The following TMEM191C variants were observed in gnomAD, a reference collection of about 807,000 sequenced individuals.
The protein encoded by TMEM191C is KB-1323B2.6.
Under a neutral mutation model 37.1 loss-of-function variants are expected in TMEM191C, and 26 were observed. The ratio of observed to expected loss-of-function variants is 0.70; its 90% CI spans 0.51 to 0.97. TMEM191C has a LOEUF of 0.97. Ranked by LOEUF, TMEM191C falls within the 50% of genes least tolerant of loss-of-function variation. TMEM191C has a pLI of 0.00. For missense variants in TMEM191C, 240 were observed against 294.7 expected (o/e 0.81, Z 1.36); for synonymous variants, 115 against 143.7 (o/e 0.80, Z 1.43).
In TMEM191C at chr22:21,469,659, G is replaced by C; in HGVS notation, c.747G>C (p.Pro249=). ...CGCTGCAGGTGCTGCTGACGCTGCC[G>C]CTCCTCTTCCTGGGGCTGTCGCTGC... The part of the protein sequence containing the change: ...LGALQVLLTL[P]LLFLGLSLLW... The change falls in exon 10 of 10, where the codon CCG becomes CCC. Residue 249 remains proline, a synonymous_variant. Coordinates refer to ENST00000536718, the MANE Select transcript of TMEM191C (RefSeq NM_001388354.1). The C allele has an allele frequency of 6.7e-7, 1 of 1,487,774 alleles. No individual in the cohort carries two copies. Among genetic ancestry groups the C allele is most frequent in the South Asian group, 1.3e-5 (1 of 79,406 alleles). 92.2% of individuals were successfully genotyped at this position (1,487,774 alleles called of 1,614,324 possible).
intron 2 of TMEM191C, 37 bp from the exon 3 acceptor site, chr22:21,468,115 C>A: frequency 4.8e-6 from 7 of 1,459,346 alleles, no homozygotes; most frequent in Non-Finnish European, 5.5e-6. Flanking sequence ...GTAGGACCGG[C>A]GGAGAGGTCG....
At position 21,469,599 on chromosome 22, in the gene TMEM191C, C is replaced by T. The variant is rs541019793; in HGVS notation, c.705-18C>T. 124 of 1,477,220 alleles carry T rather than the reference C, an allele frequency of 8.4e-5. No homozygotes were observed. In the African/African-American group the frequency reaches 1.8e-3, roughly 21 times the overall value. 91.5% of individuals were successfully genotyped at this position (1,477,220 alleles called of 1,614,324 possible). The stretch of plus-strand genomic sequence containing the variant: ...CCCGCCCGAGTTGCCGCCCACCTGC[C>T]CGCCTTTCGCCCCGCAGGCGGTGCG... On this transcript the variant is annotated intron_variant, in intron 9 of 9. Coordinates refer to ENST00000536718, the MANE Select transcript of TMEM191C (RefSeq NM_001388354.1).
intron 9 of TMEM191C, 41 bp from the exon 10 acceptor site, chr22:21,469,576 C>T: frequency 7.2e-7 from 1 of 1,392,808 alleles, no homozygotes; most frequent in Non-Finnish European, 9.5e-7. Flanking sequence ...CCCAGGTGCC[C>T]GCCCGAGTTG....
At position 21,468,368 on chromosome 22, in the gene TMEM191C, A is replaced by G; in HGVS notation, c.345A>G (p.Gly115=). Residue 115 remains glycine (G), a synonymous_variant, in exon 4 of 10, where the codon GGA becomes GGG. Transcript: ENST00000536718. The stretch of plus-strand genomic sequence containing the variant: ...CCCGCCCCTAGCTCTTCTACTACGG[A>G]GGGGAACTGCAGAGCCAGAAGAGCA... ...EELSSQLFYY[G]GELQSQKSTE... The G allele has an allele frequency of 6.5e-7, 1 of 1,535,086 alleles. No homozygotes were observed. Among genetic ancestry groups the G allele is most frequent in the Non-Finnish European group, 8.7e-7 (1 of 1,146,668 alleles).
Position 21,469,401 on chromosome 22 carries a change from G to A in TMEM191C, c.663+55G>A, listed in dbSNP as rs2542843. On this transcript the variant is annotated intron_variant, in intron 8 of 9. Coordinates refer to ENST00000536718, the MANE Select transcript of TMEM191C (RefSeq NM_001388354.1). ...GGGCTGGAGCGGGACAACCCTCCCC[G>A]TCCCCCCCGCGGTACCGCCTCCCCC... The A allele has an allele frequency of 9.3e-3, 12,079 of 1,296,514 alleles. 72 individuals carry two copies. Among genetic ancestry groups the A allele is most frequent in the African/African-American group, 0.012 (672 of 56,010 alleles). 80.3% of individuals were successfully genotyped at this position (1,296,514 alleles called of 1,614,324 possible). A position where few individuals can be genotyped will look rare whatever the true frequency, so the allele number is the denominator to read the frequency against.
chr22:21,468,541 G>A, intron 4 of TMEM191C, 110 bp downstream of exon 4: 1 of 629,594 alleles, frequency 1.6e-6, no homozygotes, highest in Non-Finnish European at 2.5e-6. Flanking sequence ...CGTGGGCGGG[G>A]CGGGGAATGT....
At position 21,469,643 on chromosome 22, in the gene TMEM191C, T is replaced by C. The variant is rs397835136; in HGVS notation, c.731T>C (p.Val244Ala). ...IRRCVLGALQ[V>A]LLTLPLLFLG... is the part of the protein sequence containing the mutation. Reference sequence around the variant, plus strand: ...CGGTGCGTGCTGGGCGCGCTGCAGGTGCTGCTGACGCTGCCGCTCCTCTTC... The same window carrying C: ...CGGTGCGTGCTGGGCGCGCTGCAGGCGCTGCTGACGCTGCCGCTCCTCTTC... Residue 244 changes from valine (V) to alanine (A), a missense_variant, in exon 10 of 10, where the codon GTG becomes GCG. Coordinates refer to ENST00000536718, the MANE Select transcript of TMEM191C (RefSeq NM_001388354.1). 7.8e-5 allele frequency: 116 copies of C among 1,485,800 alleles called. No homozygotes were observed. In the Middle Eastern group the frequency reaches 1.7e-3, roughly 21 times the overall value. 92.0% of individuals were successfully genotyped at this position (1,485,800 alleles called of 1,614,324 possible).
In TMEM191C at chr22:21,469,658, C is replaced by G; in HGVS notation, c.746C>G (p.Pro249Arg). ...LGALQVLLTL[P>R]LLFLGLSLLW... ...GCGCTGCAGGTGCTGCTGACGCTGC[C>G]GCTCCTCTTCCTGGGGCTGTCGCTG... Residue 249 changes from proline (P) to arginine (R), a missense_variant, in exon 10 of 10, where the codon CCG becomes CGG. Around this residue, in one of 3 missense-constraint regions of TMEM191C, gnomAD observed 76 missense variants for 100.0 expected, o/e 0.76. Transcript: ENST00000536718. 3.4e-6 allele frequency: 5 copies of G among 1,488,114 alleles called. No individual in the cohort carries two copies. The highest frequency in any genetic ancestry group is 4.4e-6 in the Non-Finnish European group (5 of 1,127,782). 92.2% of individuals were successfully genotyped at this position (1,488,114 alleles called of 1,614,324 possible).
chr22:21,469,164 A>G lies in TMEM191C; in HGVS notation c.560A>G (p.Glu187Gly). 6.7e-6 allele frequency: 4 copies of G among 595,382 alleles called. No homozygotes were observed. The highest frequency in any genetic ancestry group is 1.2e-5 in the Non-Finnish European group (4 of 340,298). 36.9% of individuals were successfully genotyped at this position (595,382 alleles called of 1,614,324 possible). A position where few individuals can be genotyped will look rare whatever the true frequency, so the allele number is the denominator to read the frequency against. ...VQVKVMEAAE[E>G]LDAWQSGREL... The stretch of plus-strand genomic sequence containing the variant: ...GTGAAGGTGATGGAGGCTGCGGAGG[A>G]GCTGGACGCCTGGCAGAGTGGCCGG... Residue 187 changes from glutamate (E) to glycine (G), a missense_variant, in exon 7 of 10, where the codon GAG (glutamate) becomes GGG (glycine). Coordinates refer to ENST00000536718, the MANE Select transcript of TMEM191C (RefSeq NM_001388354.1).
intron 8 of TMEM191C, 33 bp from the exon 9 acceptor site, chr22:21,469,461 G>T (rs462396): frequency 2.4e-5 from 32 of 1,345,668 alleles, no homozygotes; most frequent in Non-Finnish European, 2.8e-5. Flanking sequence ...CGCGGGCGCG[G>T]AGGTAGCTGG....
Position 21,469,353 on chromosome 22 carries a change from G to A in TMEM191C, c.663+7G>A, listed in dbSNP as rs1175111611. ...GATGGCCAGGGCGGACCGAGTGAGCGCCTGCGCGGGTCCGGGCGGGGTGGG... is the reference window on the plus strand; with the variant it reads ...GATGGCCAGGGCGGACCGAGTGAGCACCTGCGCGGGTCCGGGCGGGGTGGG... On this transcript the variant is annotated splice_region_variant and intron_variant, in intron 8 of 9. Coordinates refer to ENST00000536718, the MANE Select transcript of TMEM191C (RefSeq NM_001388354.1). 2.1e-5 allele frequency: 25 copies of A among 1,216,668 alleles called. No homozygotes were observed. The highest frequency in any genetic ancestry group is 1.1e-4 in the South Asian group (6 of 54,374). The allele number at this position is 1,216,668 out of a possible 1,614,324, so 75.4% of individuals were successfully genotyped here.
chr22:21,467,471 G>C lies in TMEM191C; in HGVS notation c.12G>C (p.Thr4=), dbSNP rs760488170. Residue 4 remains threonine, a synonymous_variant, in exon 1 of 10, where the codon ACG becomes ACC. Coordinates refer to ENST00000536718, the MANE Select transcript of TMEM191C (RefSeq NM_001388354.1). The part of the protein sequence containing the change: MAA[T]QELLLQLQKD... ...CGGTCTCCACAGCCATGGCCGCGAC[G>C]CAGGAGCTGCTGCTGCAGTTGCAGA... 6.5e-6 allele frequency: 3 copies of C among 459,958 alleles called. No individual in the cohort carries two copies. The highest frequency in any genetic ancestry group is 6.1e-5 in the South Asian group (3 of 49,422). 28.5% of individuals were successfully genotyped at this position (459,958 alleles called of 1,614,324 possible). A position where few individuals can be genotyped will look rare whatever the true frequency, so the allele number is the denominator to read the frequency against.
Position 21,467,608 on chromosome 22 carries a change from A to G in TMEM191C, c.149A>G (p.Glu50Gly). ...NQRLQDLSER[E>G]RSLLRRRSQA... ...CGCCTGCAGGACCTGAGCGAGCGGG[A>G]GCGGAGGTGCGCGGGGAACGCCCCT... The change falls in exon 1 of 10, where the codon GAG becomes GGG. Residue 50 changes from glutamate to glycine, a missense_variant. By Grantham distance (98) the Glu-to-Gly change is moderately conservative (BLOSUM62 -2). Around this residue, in one of 3 missense-constraint regions of TMEM191C, gnomAD observed 130 missense variants for 105.7 expected, o/e 1.23. Transcript: ENST00000536718. 1 of 1,530,130 alleles carries G rather than the reference A, an allele frequency of 6.5e-7. No homozygotes were observed. The allele number at this position is 1,530,130 out of a possible 1,614,324, so 94.8% of individuals were successfully genotyped here.
At chr22:21,468,262 C>T (rs1415978384) in intron 3 of TMEM191C, 60 bp downstream of exon 3, 2 of 1,533,894 alleles carry the variant, frequency 1.3e-6, no homozygotes, top group African/African-American at 2.7e-5. Flanking sequence ...CTGCCCTTGT[C>T]CTCGCCCTTG....
In TMEM191C at chr22:21,468,220, G is replaced by A. The variant is rs1221898192; in HGVS notation, c.330+18G>A. The stretch of plus-strand genomic sequence containing the variant: ...CGAGTCAGGTACGTGCAGGAGATGG[G>A]AGGGCCTGTCTCTTGGTTCCTCTCG... On this transcript the variant is annotated intron_variant, in intron 3 of 9. Coordinates refer to ENST00000536718, the MANE Select transcript of TMEM191C (RefSeq NM_001388354.1). The A allele has an allele frequency of 3.9e-6, 6 of 1,530,292 alleles. No homozygotes were observed. The highest frequency in any genetic ancestry group is 3.5e-6 in the Non-Finnish European group (4 of 1,145,422). The allele number at this position is 1,530,292 out of a possible 1,614,324, so 94.8% of individuals were successfully genotyped here.
Position 21,467,584 on chromosome 22 carries a change from G to T in TMEM191C, c.125G>T (p.Arg42Leu). 6.5e-7 allele frequency: 1 copy of T among 1,530,170 alleles called. No homozygotes were observed. Among genetic ancestry groups the T allele is most frequent in the Non-Finnish European group, 8.7e-7 (1 of 1,145,178 alleles). The allele number at this position is 1,530,170 out of a possible 1,614,324, so 94.8% of individuals were successfully genotyped here. A position where few individuals can be genotyped will look rare whatever the true frequency, so the allele number is the denominator to read the frequency against. The change falls in exon 1 of 10, where the codon CGC becomes CTC. Residue 42 changes from arginine to leucine, a missense_variant. By Grantham distance (102) the Arg-to-Leu change is moderately radical. Transcript: ENST00000536718. ...GCCGAGAGCGAGAGCCTCAACCAGC[G>T]CCTGCAGGACCTGAGCGAGCGGGAG... ...LEAESESLNQ[R>L]LQDLSERERS... is the part of the protein sequence containing the mutation.
At position 21,467,465 on chromosome 22, in the gene TMEM191C, C is replaced by A. The variant is rs1353229913; in HGVS notation, c.6C>A (p.Ala2=). The change falls in exon 1 of 10, where the codon GCC becomes GCA. Residue 2 remains alanine (A), a synonymous_variant. Coordinates refer to ENST00000536718, the MANE Select transcript of TMEM191C (RefSeq NM_001388354.1). M[A]ATQELLLQLQ... ...TAGGCTCGGTCTCCACAGCCATGGC[C>A]GCGACGCAGGAGCTGCTGCTGCAGT... The A allele has an allele frequency of 1.0e-4, 46 of 458,208 alleles. 1 individual carries two copies. Among genetic ancestry groups the A allele is most frequent in the Non-Finnish European group, 1.5e-4 (41 of 271,562 alleles). 28.4% of individuals were successfully genotyped at this position (458,208 alleles called of 1,614,324 possible). A position where few individuals can be genotyped will look rare whatever the true frequency, so the allele number is the denominator to read the frequency against.
At position 21,467,975 on chromosome 22, in the gene TMEM191C, G is replaced by C; in HGVS notation, c.237G>C (p.Val79=). 1.8e-6 allele frequency: 1 copy of C among 541,356 alleles called. No individual in the cohort carries two copies. 33.5% of individuals were successfully genotyped at this position (541,356 alleles called of 1,614,324 possible). ...REAARERAER[V]RRRLEEAERH... is the part of the protein sequence containing the mutation. ...CGGCGCGGGAGCGCGCGGAGCGGGT[G>C]CGCAGAAGACTGGAGGAGGCGGAGC... Residue 79 remains valine (V), a synonymous_variant, in exon 2 of 10, where the codon GTG becomes GTC. Transcript: ENST00000536718.
At chr22:21,469,571 G>C in intron 9 of TMEM191C, 37 bp downstream of exon 9, 1 of 1,465,732 alleles carries the variant, frequency 6.8e-7, no homozygotes, top group Non-Finnish European at 8.9e-7. Context: ...GGTCCCCCAG[G>C]TGCCCGCCCG....
Sources: gnomAD v4.1 joint callset for allele counts on GRCh38, gnomAD v4.1.1 for gene constraint, gnomAD v4.1.1 regional missense constraint, MANE v1.5 for transcripts, NCBI Gene and HGNC (gene_info 2026-07-23, HGNC 2026-07-21) for gene names.